The following ZNF787 variants were observed in gnomAD, a reference collection of about 807,000 sequenced individuals.
ZNF787 encodes TTF-I-interacting peptide 20.
In ZNF787, 7 loss-of-function variants were observed where a neutral mutation model predicts 16.9. That is an observed-to-expected ratio of 0.42 (90% CI 0.24 to 0.78). ZNF787 has a LOEUF of 0.78. Ranked by LOEUF, ZNF787 falls within the 30% of genes least tolerant of loss-of-function variation. The pLI is 0.30. For synonymous variants in ZNF787, 345 were observed against 270.9 expected, an observed-to-expected ratio of 1.27 and a Z score of -2.69; for missense variants, 551 against 589.3, an observed-to-expected ratio of 0.94 and a Z score of 0.67.
At chr19:56,116,752 C>G (rs960581186) in intron 1 of ZNF787, among the ~76,000 whole-genome samples, 6 of 152,116 alleles carry the variant, frequency 3.9e-5, no homozygotes, top group African/African-American at 1.4e-4. Flanking sequence ...CAGTCCCTTC[C>G]TCCCACCTCA....
intron 2 of ZNF787, among the ~76,000 whole-genome samples, chr19:56,090,338 G>A (rs952226667): frequency 2.6e-5 from 4 of 151,952 alleles, no homozygotes; most frequent in African/African-American, 7.3e-5. Flanking sequence ...ACAGCTACAC[G>A]ACTACAAAGT....
intron 1 of ZNF787, among the ~76,000 whole-genome samples, chr19:56,110,467 T>A (rs1303699676): frequency 2.6e-5 from 4 of 151,954 alleles, no homozygotes; most frequent in African/African-American, 9.7e-5. Flanking sequence ...GCTTTCTAAT[T>A]ACAACACCCT....
intron 2 of ZNF787, among the ~76,000 whole-genome samples, chr19:56,097,691 A>G (rs1480370530): frequency 1.3e-5 from 2 of 152,238 alleles, no homozygotes; most frequent in East Asian, 1.9e-4. Context: ...GCGTGCAGGC[A>G]CGGCGCGAGG....
rs1303353854 is a variant in ZNF787, at chr19:56,087,809, AG to A, written c.*213del. The A allele has an allele frequency of 2.3e-5, 17 of 730,056 alleles. No homozygotes were observed. Among genetic ancestry groups the A allele is most frequent in the Non-Finnish European group, 3.2e-5 (17 of 537,550 alleles). The allele number at this position is 730,056 out of a possible 1,614,324, so 45.2% of individuals were successfully genotyped here. ...AACTTAGGAAGGGCGGGCCAGGCTG[AG>A]GGGGCAGAGTCTCGAGGCGGAGAAG... On this transcript the variant is annotated 3_prime_UTR_variant, in exon 3 of 3. Transcript: ENST00000610935.
chr19:56,089,132 G>A (rs1599936769), intron 2 of ZNF787, 40 bp from the exon 3 acceptor site: 1 of 1,401,924 alleles, frequency 7.1e-7, no homozygotes, highest in South Asian at 1.6e-5. Context: ...GTCAAGAGAG[G>A]CAAGGGCTCC....
At position 56,099,722 on chromosome 19, in the gene ZNF787, A is replaced by AAAAAG. The variant is rs1555776409; in HGVS notation, c.79+3416_79+3417insCTTTT. ...TGAGGCTCCGTCTCAAAAAAAAAAA[A>AAAAAG]AAAGAAAAGAGAGAGAGAGAAAGGA... On this transcript the variant is annotated intron_variant, in intron 2 of 2. Transcript: ENST00000610935. 6.0e-5 allele frequency among the ~76,000 whole-genome samples: 9 copies of AAAAAG among 149,462 alleles called. No individual in the cohort carries two copies. In the South Asian group the frequency reaches 8.4e-4, roughly 14 times the overall value.
chr19:56,088,179 C>A lies in ZNF787; in HGVS notation c.993G>T (p.Ala331=). Residue 331 remains alanine, a synonymous_variant, in exon 3 of 3, where the codon GCG becomes GCT. Transcript: ENST00000610935. The surrounding 1 kb of genome is among the most constrained non-coding windows in gnomAD (Gnocchi z 8.6). ...ECGEGFVQGA[A]LRRHKKIHAV... ...CGTGGATCTTCTTGTGTCTCCGGAG[C>A]GCGGCGCCCTGCACGAAGCCCTCCC... 1 of 1,546,808 alleles carries A rather than the reference C, an allele frequency of 6.5e-7. No individual in the cohort carries two copies. Among genetic ancestry groups the A allele is most frequent in the Non-Finnish European group, 8.7e-7 (1 of 1,152,236 alleles).
chr19:56,120,333 G>A (rs1398369880), intron 1 of ZNF787, among the ~76,000 whole-genome samples: 1 of 152,208 alleles, frequency 6.6e-6, no homozygotes, highest in Admixed American at 6.5e-5. Context: ...ACTGGGGGTC[G>A]GGGTGGGGTG....
chr19:56,088,519 C>T lies in ZNF787; in HGVS notation c.653G>A (p.Arg218Gln). Residue 218 changes from arginine (R) to glutamine (Q), a missense_variant, in exon 3 of 3, where the codon CGG becomes CAG. Physicochemically the swap from Arg to Gln is conservative, Grantham distance 43. Around this residue, in one of 4 missense-constraint regions of ZNF787, gnomAD observed 392 missense variants for 312.7 expected, o/e 1.25. Transcript: ENST00000610935. The surrounding 1 kb of genome is among the most constrained non-coding windows in gnomAD (Gnocchi z 8.6). ...VAAKVLAASV[R>Q]RAKGPEEAVA... is the part of the protein sequence containing the mutation. ...CGCCTCTTCGGGCCCCTTGGCCCGCCGGACGCTAGCCGCCAGCACCTTGGC... is the reference window on the plus strand; with the variant it reads ...CGCCTCTTCGGGCCCCTTGGCCCGCTGGACGCTAGCCGCCAGCACCTTGGC... 1 of 1,428,890 alleles carries T rather than the reference C, an allele frequency of 7.0e-7. No homozygotes were observed. Among genetic ancestry groups the T allele is most frequent in the Admixed American group, 3.0e-5 (1 of 32,996 alleles). The allele number at this position is 1,428,890 out of a possible 1,614,324, so 88.5% of individuals were successfully genotyped here. A position where few individuals can be genotyped will look rare whatever the true frequency, so the allele number is the denominator to read the frequency against.
chr19:56,113,709 G>A (rs2030049318), intron 1 of ZNF787, among the ~76,000 whole-genome samples: 1 of 152,038 alleles, frequency 6.6e-6, no homozygotes, highest in African/African-American at 2.4e-5. Context: ...AGGGAGGCAG[G>A]GAGGGAGGGA....
At chr19:56,114,423 G>GTCTC (rs71184319) in intron 1 of ZNF787, among the ~76,000 whole-genome samples, 91,843 of 104,932 alleles carry the variant, frequency 0.88, 40,431 homozygotes, top group South Asian at 0.94. Flanking sequence ...GCCAGGCCTG[G>GTCTC]TCTCTCTGAG....
intron 1 of ZNF787, among the ~76,000 whole-genome samples, chr19:56,120,941 C>A (rs1282800617): frequency 7.4e-6 from 1 of 135,694 alleles, no homozygotes; most frequent in African/African-American, 2.7e-5. Context: ...CGCCCGCGGG[C>A]CGCCCGGGCG....
chr19:56,115,811 G>A (rs61067895), intron 1 of ZNF787, among the ~76,000 whole-genome samples: 4,053 of 152,294 alleles, frequency 0.027, 183 homozygotes, highest in African/African-American at 0.093. Flanking sequence ...GCAGTGTGTT[G>A]TGGAGACAGC....
At position 56,088,379 on chromosome 19, in the gene ZNF787, T is replaced by C. The variant is rs1338078319; in HGVS notation, c.793A>G (p.Lys265Glu). ...AAAAMAGAGA[K>E]AAGPRSRRAP... The stretch of plus-strand genomic sequence containing the variant: ...CGCCGCGACCGGGGCCCCGCGGCCT[T>C]TGCCCCCGCGCCCGCCATGGCTGCC... The change falls in exon 3 of 3, where the codon AAG (lysine) becomes GAG (glutamate). Residue 265 changes from lysine to glutamate, a missense_variant. Physicochemically the swap from Lys to Glu is moderately conservative, Grantham distance 56. This residue lies in a region of ZNF787 where 392 missense variants were observed against 312.7 expected (regional missense o/e 1.25). Transcript: ENST00000610935. This position sits in a 1 kb window ranked among gnomAD's most constrained non-coding sequence, Gnocchi z 8.6. 3.7e-5 allele frequency: 41 copies of C among 1,104,676 alleles called. No homozygotes were observed. The highest frequency in any genetic ancestry group is 4.3e-5 in the Non-Finnish European group (39 of 907,562). The allele number at this position is 1,104,676 out of a possible 1,614,324, so 68.4% of individuals were successfully genotyped here. A position where few individuals can be genotyped will look rare whatever the true frequency, so the allele number is the denominator to read the frequency against.
At chr19:56,106,731 C>T (rs1303008711) in intron 1 of ZNF787, among the ~76,000 whole-genome samples, 1 of 12,198 alleles carries the variant, frequency 8.2e-5, no homozygotes, top group Non-Finnish European at 2.6e-4. Context: ...TCTGAGGAAA[C>T]CTCCGGCATC....
At chr19:56,109,019 T>G (rs1034296681) in intron 1 of ZNF787, among the ~76,000 whole-genome samples, 6 of 151,796 alleles carry the variant, frequency 4.0e-5, no homozygotes, top group Non-Finnish European at 8.8e-5. Flanking sequence ...GCCGGGGAGG[T>G]GGGTGGAGTC....
At chr19:56,115,068 C>T (rs2030091587) in intron 1 of ZNF787, among the ~76,000 whole-genome samples, 1 of 152,094 alleles carries the variant, frequency 6.6e-6, no homozygotes, top group African/African-American at 2.4e-5. Flanking sequence ...GCATGGGGCC[C>T]TCATTTCCTC....
intron 1 of ZNF787, chr19:56,103,504 T>G: frequency 2.5e-6 from 1 of 396,094 alleles, no homozygotes; most frequent in Non-Finnish European, 4.5e-6. Context: ...GCCCCACCAC[T>G]CCCCAGCTGG....
chr19:56,118,323 C>T (rs893754912), intron 1 of ZNF787, among the ~76,000 whole-genome samples: 15 of 152,130 alleles, frequency 9.9e-5, no homozygotes, highest in Non-Finnish European at 5.9e-5. Context: ...AGCAGCCCTG[C>T]GTGTAGGAGT....
Sources: allele counts gnomAD v4.1 joint callset (sites outside exome capture counted in the v4.1 genomes callset), GRCh38; gene constraint gnomAD v4.1.1; regional missense constraint gnomAD v4.1.1; non-coding constraint Gnocchi (gnomAD v3.1); transcripts MANE v1.5; gene names NCBI Gene and HGNC (gene_info 2026-07-23, HGNC 2026-07-21).